CHD9: variants seen among roughly 807,000 people sequenced by gnomAD.
CHD9 encodes the protein ATP-dependent chromatin remodeler CHD9.
Under a neutral mutation model 316.1 loss-of-function variants are expected in CHD9, and 77 were observed. The ratio of observed to expected loss-of-function variants is 0.24; its 90% CI spans 0.20 to 0.29. CHD9 has a LOEUF of 0.29. Ranked by LOEUF, CHD9 falls within the 10% of genes least tolerant of loss-of-function variation. CHD9 has a pLI of 1.00. For synonymous variants in CHD9, 1,129 were observed against 1,158.3 expected (o/e 0.97, Z 0.51); for missense variants, 2,763 against 3,438.1 (o/e 0.80, Z 4.91).
intron 1 of CHD9, among the ~76,000 whole-genome samples, chr16:53,098,733 A>G (rs926166016): frequency 2.6e-5 from 4 of 152,164 alleles, no homozygotes; most frequent in African/African-American, 7.2e-5. Flanking sequence ...AGCAATCTAC[A>G]TGACTATCCA....
intron 24 of CHD9, among the ~76,000 whole-genome samples, chr16:53,278,238 C>T (rs1208533659): frequency 6.6e-6 from 1 of 152,102 alleles, no homozygotes; most frequent in East Asian, 1.9e-4. Flanking sequence ...CATCATTCTT[C>T]ACAGAACTAG....
chr16:53,184,769 G>A (rs2043839862), intron 2 of CHD9, among the ~76,000 whole-genome samples: 1 of 152,138 alleles, frequency 6.6e-6, no homozygotes, highest in African/African-American at 2.4e-5. Flanking sequence ...TCGTGAGAGG[G>A]ACCAAGTGGA....
At chr16:53,067,661 C>T (rs1186115196) in intron 1 of CHD9, among the ~76,000 whole-genome samples, 1 of 152,196 alleles carries the variant, frequency 6.6e-6, no homozygotes, top group South Asian at 2.1e-4. Flanking sequence ...TGGGTTTTGA[C>T]GCGGAAGACC....
chr16:53,059,063 A>C (rs1014811080), intron 1 of CHD9, among the ~76,000 whole-genome samples: 4 of 151,966 alleles, frequency 2.6e-5, no homozygotes, highest in African/African-American at 9.7e-5. Context: ...CTGGTCTCCA[A>C]CTCCTAGACT....
intron 24 of CHD9, among the ~76,000 whole-genome samples, chr16:53,274,988 A>G (rs2052664287): frequency 6.6e-6 from 1 of 152,140 alleles, no homozygotes; most frequent in African/African-American, 2.4e-5. Flanking sequence ...TCTAATGGAA[A>G]CTAGATGCCA....
intron 29 of CHD9, 57 bp downstream of exon 29, chr16:53,293,109 A>AAT: frequency 7.0e-7 from 1 of 1,429,048 alleles, no homozygotes; most frequent in Non-Finnish European, 9.6e-7. Flanking sequence ...GTTCATTCTA[A>AAT]AGCCTGTCTG....
intron 1 of CHD9, among the ~76,000 whole-genome samples, chr16:53,057,910 G>T (rs898739098): frequency 1.3e-5 from 2 of 152,080 alleles, no homozygotes; most frequent in Admixed American, 1.3e-4. Context: ...TTTTGTTTGT[G>T]ATGTCGCTGT....
chr16:53,124,467 ATTTTTT>A (rs753476091), intron 1 of CHD9, among the ~76,000 whole-genome samples: 8 of 96,924 alleles, frequency 8.3e-5, no homozygotes, highest in African/African-American at 2.3e-4. Context: ...GTGAGACTTA[ATTTTTT>A]TTTTTTTTTT....
intron 1 of CHD9, among the ~76,000 whole-genome samples, chr16:53,084,525 A>G (rs1202069735): frequency 6.6e-6 from 1 of 152,186 alleles, no homozygotes; most frequent in Non-Finnish European, 1.5e-5. Flanking sequence ...CGGGTGGATC[A>G]TGAGGTCAGG....
At chr16:53,188,368 AT>A (rs1176765508) in intron 2 of CHD9, among the ~76,000 whole-genome samples, 1 of 151,974 alleles carries the variant, frequency 6.6e-6, no homozygotes, top group African/African-American at 2.4e-5. Flanking sequence ...ATTCTTTCTT[AT>A]GTTTGACCTT....
intron 2 of CHD9, among the ~76,000 whole-genome samples, chr16:53,170,578 C>CGTGTGTGTGT (rs10593955): frequency 2.3e-4 from 32 of 140,322 alleles, no homozygotes; most frequent in African/African-American, 7.1e-4. Context: ...TTTGTAATTT[C>CGTGTGTGTGT]GTGTGTGTGT....
intron 7 of CHD9, among the ~76,000 whole-genome samples, chr16:53,228,699 G>A (rs2047894713): frequency 1.3e-5 from 2 of 152,032 alleles, no homozygotes; most frequent in African/African-American, 4.8e-5. Context: ...AACTGTTATA[G>A]GGAAATAATA....
At chr16:53,142,984 A>G (rs959631841) in intron 1 of CHD9, among the ~76,000 whole-genome samples, 18 of 152,196 alleles carry the variant, frequency 1.2e-4, no homozygotes, top group Non-Finnish European at 2.4e-4. Flanking sequence ...CAGAGGGGCA[A>G]GAGAGCAAGG....
chr16:53,299,144 G>C (rs2055102692), intron 30 of CHD9: 1 of 174,640 alleles, frequency 5.7e-6, no homozygotes, highest in African/African-American at 2.4e-5. Flanking sequence ...CTTTCAAGCA[G>C]GTATTGGTAT....
intron 1 of CHD9, among the ~76,000 whole-genome samples, chr16:53,135,966 A>C (rs1364808547): frequency 2.0e-5 from 3 of 152,180 alleles, no homozygotes; most frequent in Non-Finnish European, 4.4e-5. Context: ...TGCAGAATAC[A>C]AAAGTTTTAT....
intron 2 of CHD9, among the ~76,000 whole-genome samples, chr16:53,166,089 G>T (rs1342403006): frequency 6.6e-6 from 1 of 152,000 alleles, no homozygotes; most frequent in Non-Finnish European, 1.5e-5. Flanking sequence ...CACTTAAAGT[G>T]GACTACTTCT....
At chr16:53,291,361 G>A (rs1052968708) in intron 27 of CHD9, among the ~76,000 whole-genome samples, 2 of 152,102 alleles carry the variant, frequency 1.3e-5, no homozygotes, top group Non-Finnish European at 1.5e-5. Flanking sequence ...ATATGAAAAT[G>A]AATAAGTTAT....
intron 30 of CHD9, chr16:53,298,491 A>T (rs1395843066): frequency 1.3e-5 from 2 of 152,402 alleles, no homozygotes; most frequent in African/African-American, 4.8e-5. Context: ...CTACAAAAAT[A>T]AAAAAACAGC....
chr16:53,219,596 A>G (rs577044833), intron 3 of CHD9, among the ~76,000 whole-genome samples: 56 of 152,206 alleles, frequency 3.7e-4, no homozygotes, highest in Non-Finnish European at 6.6e-4. Flanking sequence ...GAAAGGGGCC[A>G]AAAGGAAACA....
Sources: gnomAD v4.1 joint callset for allele counts (sites outside exome capture counted in the v4.1 genomes callset) on GRCh38, gnomAD v4.1.1 for gene constraint, MANE v1.5 for transcripts, NCBI Gene and HGNC (gene_info 2026-07-23, HGNC 2026-07-21) for gene names.